Variants in BMERB1 observed in about 807,000 individuals in gnomAD.
The protein encoded by BMERB1 is bMERB domain containing 1.
In BMERB1, 12 loss-of-function variants were observed where a neutral mutation model predicts 23.6. That is an observed-to-expected ratio of 0.51 (90% confidence interval 0.33 to 0.82). The LOEUF (loss-of-function observed/expected upper bound fraction) is 0.82, where lower values mean the gene tolerates loss of function less well. BMERB1 is among the 40% of genes least tolerant of loss of function. The pLI, the probability that BMERB1 is intolerant of heterozygous loss-of-function variation, is 0.03. For synonymous variants in BMERB1, 122 were observed against 96.6 expected, an observed-to-expected ratio of 1.26 and a Z score of -1.54; for missense variants, 247 against 255.4, an observed-to-expected ratio of 0.97 and a Z score of 0.22.
intron 3 of BMERB1, among the ~76,000 whole-genome samples, chr16:15,571,359 C>CTT (rs58521843): frequency 4.9e-5 from 7 of 142,796 alleles, no homozygotes; most frequent in East Asian, 4.0e-4. Context: ...CAAAAACCTA[C>CTT]TTTTTTTTTT....
intron 1 of BMERB1, among the ~76,000 whole-genome samples, chr16:15,450,849 A>G (rs953127086): frequency 1.3e-5 from 2 of 151,984 alleles, no homozygotes; most frequent in Admixed American, 6.6e-5. Context: ...TCTTCCAACC[A>G]CCATTTGTGG....
intron 1 of BMERB1, among the ~76,000 whole-genome samples, chr16:15,446,746 A>T (rs889544632): frequency 6.6e-6 from 1 of 152,188 alleles, no homozygotes; most frequent in Admixed American, 6.5e-5. Context: ...GTTTCTTAGA[A>T]CTGATTCTGT....
chr16:15,453,393 C>T (rs1165980185), intron 1 of BMERB1, among the ~76,000 whole-genome samples: 1 of 152,150 alleles, frequency 6.6e-6, no homozygotes, highest in Admixed American at 6.5e-5. Flanking sequence ...GCTTGGCCAA[C>T]ACAGCAAGAC....
In BMERB1 at chr16:15,542,407, C is replaced by A. The variant is rs548809303; in HGVS notation, c.231-25576C>A. On this transcript the variant is annotated intron_variant, in intron 2 of 5. Transcript: ENST00000300006. ...TATCACACATTTGCTCTTCTGGTGA[C>A]GAGGCCCCAACCTGAAGCCATCTCT... Among the ~76,000 whole-genome samples, 66 of 152,082 alleles carry A rather than the reference C, an allele frequency of 4.3e-4. 1 individual carries two copies. In the South Asian group the frequency reaches 0.013, roughly 31 times the overall value.
chr16:15,585,409 A>T (rs2031116432), intron 5 of BMERB1, among the ~76,000 whole-genome samples: 1 of 152,240 alleles, frequency 6.6e-6, no homozygotes, highest in South Asian at 2.1e-4. Context: ...TTGTAAAACC[A>T]GTGAAATCTC....
At chr16:15,515,560 T>TCGGGCG (rs2051740547) in intron 2 of BMERB1, 132 bp downstream of exon 2, 1 of 1,270,562 alleles carries the variant, frequency 7.9e-7, no homozygotes, top group South Asian at 1.7e-5. Context: ...AAGCCTCATT[T>TCGGGCG]GATTCTCACC....
At chr16:15,577,488 C>T (rs139275425) in intron 3 of BMERB1, among the ~76,000 whole-genome samples, 4 of 152,174 alleles carry the variant, frequency 2.6e-5, no homozygotes, top group African/African-American at 4.8e-5. Context: ...AGTGAGAGAC[C>T]GAGGCAAGTT....
chr16:15,447,995 T>C, intron 1 of BMERB1: 2 of 443,426 alleles, frequency 4.5e-6, no homozygotes, highest in African/African-American at 2.0e-5. Flanking sequence ...GTTCAAGCGA[T>C]TGTCCTGCCT....
intron 1 of BMERB1, among the ~76,000 whole-genome samples, chr16:15,481,917 G>A (rs1880281338): frequency 6.6e-6 from 1 of 151,368 alleles, no homozygotes; most frequent in South Asian, 2.1e-4. Flanking sequence ...TTTTAGTAGA[G>A]ACGGGGTTTC....
intron 1 of BMERB1, among the ~76,000 whole-genome samples, chr16:15,438,048 A>C (rs2050903951): frequency 1.3e-5 from 2 of 152,006 alleles, no homozygotes; most frequent in African/African-American, 4.8e-5. Context: ...GGCAAGAGGA[A>C]CAGCTCCTGA....
chr16:15,534,268 T>C (rs1000251747), intron 2 of BMERB1, among the ~76,000 whole-genome samples: 7 of 120,672 alleles, frequency 5.8e-5, no homozygotes, highest in Admixed American at 1.0e-4. Flanking sequence ...GCAAAGACCT[T>C]GATTTTTTTT....
At chr16:15,487,185 G>A (rs1236772738) in intron 1 of BMERB1, among the ~76,000 whole-genome samples, 15 of 151,968 alleles carry the variant, frequency 9.9e-5, no homozygotes, top group Non-Finnish European at 4.4e-5. Flanking sequence ...AATTCTAGAC[G>A]GTACTTTTGA....
chr16:15,514,750 T>C (rs566469672), intron 1 of BMERB1, among the ~76,000 whole-genome samples: 1 of 151,938 alleles, frequency 6.6e-6, no homozygotes, highest in East Asian at 1.9e-4. Context: ...CACCACTGCA[T>C]TGCAGCCTGG....
chr16:15,495,197 T>A (rs1002889206), intron 1 of BMERB1, among the ~76,000 whole-genome samples: 1 of 151,584 alleles, frequency 6.6e-6, no homozygotes, highest in African/African-American at 2.4e-5. Flanking sequence ...TTTACTTTTA[T>A]TATTATTATT....
chr16:15,494,422 G>C lies in BMERB1; in HGVS notation c.107-20883G>C, dbSNP rs191128289. On this transcript the variant is annotated intron_variant, in intron 1 of 5. Coordinates refer to ENST00000300006, the MANE Select transcript of BMERB1 (RefSeq NM_033201.3). ...GGTCACTTTGAAGTGTTGGGGAGAG[G>C]ACACTGAGTAATGTAAAATGACATT... is the stretch of plus-strand genomic sequence containing the variant. Among the ~76,000 whole-genome samples, 6 of 152,138 alleles carry C rather than the reference G, an allele frequency of 3.9e-5. No homozygotes were observed. The East Asian group carries it at 1.2e-3, about 29-fold the overall frequency.
chr16:15,459,811 C>A (rs926806430), intron 1 of BMERB1, among the ~76,000 whole-genome samples: 7 of 152,152 alleles, frequency 4.6e-5, no homozygotes, highest in African/African-American at 1.7e-4. Context: ...GTAGCACTAA[C>A]AGGAAACATC....
intron 2 of BMERB1, among the ~76,000 whole-genome samples, chr16:15,534,847 A>G (rs2052010705): frequency 6.6e-6 from 1 of 152,082 alleles, no homozygotes; most frequent in South Asian, 2.1e-4. Context: ...CACGGCACCA[A>G]TTTATGCTGA....
chr16:15,485,512 G>A (rs1459540757), intron 1 of BMERB1, among the ~76,000 whole-genome samples: 2 of 23,802 alleles, frequency 8.4e-5, no homozygotes, highest in Non-Finnish European at 3.5e-3. Context: ...GAAGCATTTG[G>A]ATGGTCTCTG....
chr16:15,437,519 A>T (rs1258077108), intron 1 of BMERB1, among the ~76,000 whole-genome samples: 2 of 152,200 alleles, frequency 1.3e-5, no homozygotes, highest in East Asian at 3.8e-4. Context: ...TCAATTCTTC[A>T]ATAATGCCCT....
Sources: gnomAD v4.1 joint callset for allele counts (sites outside exome capture counted in the v4.1 genomes callset) on GRCh38, gnomAD v4.1.1 for gene constraint, MANE v1.5 for transcripts, NCBI Gene and HGNC (gene_info 2026-07-23, HGNC 2026-07-21) for gene names.